Variants in KHDRBS2 observed in about 807,000 individuals in gnomAD.
KHDRBS2 encodes KH domain-containing, RNA-binding, signal transduction-associated protein 2.
Under a neutral mutation model 44.3 loss-of-function variants are expected in KHDRBS2, and 26 were observed. That is an observed-to-expected ratio of 0.59 (90% confidence interval 0.43 to 0.81). KHDRBS2 has a LOEUF of 0.81. Among genes scored for constraint, KHDRBS2 ranks in the 40% least tolerant of loss-of-function variants. The pLI is 0.00. For synonymous variants in KHDRBS2, 194 were observed against 151.1 expected (o/e 1.28, Z -2.08); for missense variants, 476 against 433.1 (o/e 1.10, Z -0.88).
chr6:61,732,562 G>T, intron 7 of KHDRBS2, 120 bp downstream of exon 7: 1 of 675,464 alleles, frequency 1.5e-6, no homozygotes, highest in Non-Finnish European at 2.7e-6. Flanking sequence ...AATTCAGAAA[G>T]ATAATGGAGA....
downstream of KHDRBS2, among the ~76,000 whole-genome samples, chr6:61,676,726 C>T (rs566329600): frequency 1.1e-4 from 17 of 151,938 alleles, no homozygotes; most frequent in South Asian, 4.1e-4. Flanking sequence ...AGGCTTGCTG[C>T]CTCCCAGACT....
chr6:61,854,607 C>T lies in KHDRBS2; in HGVS notation c.810+40028G>A, dbSNP rs541620672. Among the ~76,000 whole-genome samples, 96 of 152,226 alleles carry T rather than the reference C, an allele frequency of 6.3e-4. 1 individual carries two copies. In the South Asian group the frequency reaches 0.017, roughly 27 times the overall value. On this transcript the variant is annotated intron_variant, in intron 6 of 8. Transcript: ENST00000281156. The stretch of plus-strand genomic sequence containing the variant: ...CATCTATATCTCACTCACTATTTTA[C>T]GCCTACAACTTGTTTTAATCAAAAC...
At chr6:62,177,111 T>C (rs1418480633) in intron 2 of KHDRBS2, 74 bp downstream of exon 2, 6 of 885,258 alleles carry the variant, frequency 6.8e-6, no homozygotes, top group Non-Finnish European at 1.0e-5. Flanking sequence ...TTTATAAAAG[T>C]GAATAATTAA....
At chr6:61,682,001 G>A (rs1223709756) in intron 8 of KHDRBS2, among the ~76,000 whole-genome samples, 1 of 151,828 alleles carries the variant, frequency 6.6e-6, no homozygotes, top group Non-Finnish European at 1.5e-5. Context: ...GTAAAAGGAG[G>A]TGCAGACAAA....
intron 1 of KHDRBS2, among the ~76,000 whole-genome samples, chr6:62,254,761 C>T (rs770018884): frequency 7.2e-5 from 11 of 152,006 alleles, no homozygotes; most frequent in African/African-American, 2.7e-4. Context: ...TTCATTCTAA[C>T]TGCAACAAGC....
At chr6:62,166,300 CTT>C (rs970996056) in intron 2 of KHDRBS2, among the ~76,000 whole-genome samples, 2 of 151,970 alleles carry the variant, frequency 1.3e-5, no homozygotes, top group African/African-American at 4.8e-5. Context: ...ATGCTCAACA[CTT>C]GGTAATATTT....
chr6:62,166,887 C>T lies in KHDRBS2; in HGVS notation c.219+10298G>A, dbSNP rs1818805194. Among the ~76,000 whole-genome samples the T allele has an allele frequency of 1.3e-5, 2 of 151,984 alleles. 1 individual carries two copies. Among genetic ancestry groups the T allele is most frequent in the South Asian group, 4.1e-4 (2 of 4,826 alleles). The stretch of plus-strand genomic sequence containing the variant: ...GAGCTAATGAGTGTAGAGAAGCTTA[C>T]TGAAGGCTCACTGAGTTAAACAAAC... On this transcript the variant is annotated intron_variant, in intron 2 of 8. Coordinates refer to ENST00000281156, the MANE Select transcript of KHDRBS2 (RefSeq NM_152688.4).
At chr6:61,753,835 CT>C (rs1432525131) in intron 6 of KHDRBS2, among the ~76,000 whole-genome samples, 4 of 152,110 alleles carry the variant, frequency 2.6e-5, no homozygotes, top group Admixed American at 6.5e-5. Context: ...AATTGAGAAT[CT>C]TGAGATGAGG....
chr6:61,585,459 C>T, the KHDRBS2 span, among the ~76,000 whole-genome samples: 3 of 152,000 alleles, frequency 2.0e-5, no homozygotes, highest in African/African-American at 7.2e-5. Context: ...ATAGTACATG[C>T]TAACTATAGC....
intron 8 of KHDRBS2, among the ~76,000 whole-genome samples, chr6:61,688,072 A>C (rs1376406556): frequency 2.6e-5 from 4 of 151,886 alleles, no homozygotes; most frequent in Non-Finnish European, 5.9e-5. Context: ...ATAATTGAAA[A>C]TTATATATGT....
intron 6 of KHDRBS2, among the ~76,000 whole-genome samples, chr6:61,834,700 C>A (rs570457055): frequency 6.6e-6 from 1 of 151,940 alleles, no homozygotes; most frequent in Non-Finnish European, 1.5e-5. Flanking sequence ...CTTCTCATTA[C>A]AAAGGGTGCA....
chr6:61,580,017 A>G, the KHDRBS2 span, among the ~76,000 whole-genome samples: 2 of 152,176 alleles, frequency 1.3e-5, no homozygotes, highest in Non-Finnish European at 2.9e-5. Flanking sequence ...AGATCAAGCC[A>G]TCGCACTCCA....
chr6:62,199,227 G>A (rs1223448610), intron 1 of KHDRBS2, among the ~76,000 whole-genome samples: 2 of 152,262 alleles, frequency 1.3e-5, no homozygotes, highest in Admixed American at 6.5e-5. Flanking sequence ...AGTGTTGGAA[G>A]TTCTGGCCAG....
intron 6 of KHDRBS2, among the ~76,000 whole-genome samples, chr6:61,737,829 A>G (rs946529380): frequency 2.0e-5 from 3 of 152,068 alleles, no homozygotes; most frequent in African/African-American, 7.2e-5. Context: ...GTTTTACATA[A>G]TACAGTTTTT....
intron 1 of KHDRBS2, among the ~76,000 whole-genome samples, chr6:62,270,666 T>C (rs1236460271): frequency 1.3e-5 from 2 of 152,022 alleles, no homozygotes; most frequent in Non-Finnish European, 2.9e-5. Context: ...GTTTTATACT[T>C]AAAAACTGCA....
chr6:62,285,004 A>T (rs768036246), intron 1 of KHDRBS2, among the ~76,000 whole-genome samples: 2 of 152,206 alleles, frequency 1.3e-5, no homozygotes, highest in Non-Finnish European at 2.9e-5. Context: ...AAATCTGCAG[A>T]TGTTTTAAAA....
chr6:61,711,141 T>A (rs1309434843), intron 7 of KHDRBS2, among the ~76,000 whole-genome samples: 1 of 151,616 alleles, frequency 6.6e-6, no homozygotes, highest in African/African-American at 2.4e-5. Context: ...AAATACTAAA[T>A]AATTTCTATG....
the KHDRBS2 span, among the ~76,000 whole-genome samples, chr6:61,585,544 C>A: frequency 1.3e-5 from 2 of 152,038 alleles, no homozygotes; most frequent in Non-Finnish European, 2.9e-5. Flanking sequence ...ATACGATTTG[C>A]AAGATCTTTT....
At chr6:61,749,534 T>A (rs960598292) in intron 6 of KHDRBS2, among the ~76,000 whole-genome samples, 12 of 152,232 alleles carry the variant, frequency 7.9e-5, no homozygotes, top group Non-Finnish European at 1.8e-4. Flanking sequence ...TTGAATCTGC[T>A]CTTCATTTCT....
Sources: allele counts gnomAD v4.1 joint callset (sites outside exome capture counted in the v4.1 genomes callset), GRCh38; gene constraint gnomAD v4.1.1; transcripts MANE v1.5; gene names NCBI Gene and HGNC (gene_info 2026-07-23, HGNC 2026-07-21).